The following ASPH variants were observed in gnomAD, a reference collection of about 807,000 sequenced individuals.
The protein encoded by ASPH is aspartate beta-hydroxylase.
ASPH carries 100 observed loss-of-function variants against 118.4 expected under a neutral mutation model. The observed-to-expected ratio is 0.84, with a 90% confidence interval of 0.72 to 1.00. The LOEUF (loss-of-function observed/expected upper bound fraction) is 1.00, where lower values mean the gene tolerates loss of function less well. Among genes scored for constraint, ASPH ranks in the 50% least tolerant of loss-of-function variants. The pLI, the probability that ASPH is intolerant of heterozygous loss-of-function variation, is 0.00. For missense variants in ASPH, 920 were observed against 919.5 expected (o/e 1.00, Z -0.01); for synonymous variants, 315 against 325.6 (o/e 0.97, Z 0.35).
chr8:61,555,051 C>G (rs1437677467), intron 19 of ASPH, among the ~76,000 whole-genome samples: 1 of 152,064 alleles, frequency 6.6e-6, no homozygotes, highest in Non-Finnish European at 1.5e-5. Flanking sequence ...CTGGTCTACA[C>G]CACCTGTGAT....
At chr8:61,657,472 C>T (rs1004395083) in intron 3 of ASPH, 2 of 152,044 alleles carry the variant, frequency 1.3e-5, no homozygotes, top group African/African-American at 4.8e-5. Context: ...CGTACTGTAC[C>T]GAATACTGTA....
chr8:61,649,470 T>C (rs1018011164), intron 5 of ASPH, among the ~76,000 whole-genome samples: 3 of 152,246 alleles, frequency 2.0e-5, no homozygotes, highest in Admixed American at 1.3e-4. Flanking sequence ...ACCTGGAGTT[T>C]AGATGAGCAA....
chr8:61,595,827 TG>T (rs572749840), intron 14 of ASPH, among the ~76,000 whole-genome samples: 42 of 152,188 alleles, frequency 2.8e-4, no homozygotes, highest in African/African-American at 8.7e-4. Context: ...CAGGGCCACC[TG>T]GTTTACTGCC....
rs574300784 is a variant in ASPH, at chr8:61,679,792, T to C, written c.322+1176A>G. 7.2e-5 allele frequency among the ~76,000 whole-genome samples: 11 copies of C among 151,934 alleles called. No homozygotes were observed. In the East Asian group the frequency reaches 1.9e-3, roughly 27 times the overall value. ...TGTTTCTTTTACATGCCTAAGATTA[T>C]AGTCATCTGAGGATTTAATATATTT... is the stretch of plus-strand genomic sequence containing the variant. On this transcript the variant is annotated intron_variant, in intron 3 of 24. Coordinates refer to ENST00000379454, the MANE Select transcript of ASPH (RefSeq NM_004318.4).
Position 61,714,573 on chromosome 8 carries a change from G to T in ASPH, c.-202C>A. ...CTGCCGGCTGCGCGCGCCCGGCCTC[G>T]CGTGTACGAACCTGTGACTCCCTCC... On this transcript the variant is annotated 5_prime_UTR_variant, in exon 1 of 25. Coordinates refer to ENST00000379454, the MANE Select transcript of ASPH (RefSeq NM_004318.4). 1 of 756,006 alleles carries T rather than the reference G, an allele frequency of 1.3e-6. No individual in the cohort carries two copies. The highest frequency in any genetic ancestry group is 1.8e-6 in the Non-Finnish European group (1 of 543,916). 46.8% of individuals were successfully genotyped at this position (756,006 alleles called of 1,614,324 possible).
chr8:61,617,870 T>C (rs1166560621), intron 14 of ASPH, among the ~76,000 whole-genome samples: 2 of 145,360 alleles, frequency 1.4e-5, no homozygotes, highest in Non-Finnish European at 3.0e-5. Context: ...GAGGAGGAGG[T>C]TGCAGTGAGC....
chr8:61,675,785 G>C (rs947850422), intron 3 of ASPH: 23 of 1,191,008 alleles, frequency 1.9e-5, no homozygotes, highest in Non-Finnish European at 2.0e-5. Context: ...TACATGAGTT[G>C]AAACAAAACG....
intron 1 of ASPH, among the ~76,000 whole-genome samples, chr8:61,709,978 A>AAAAT (rs770302697): frequency 1.8e-4 from 27 of 152,218 alleles, no homozygotes; most frequent in Non-Finnish European, 3.7e-4. Context: ...ATGGAACATG[A>AAAAT]AAATAAATAA....
chr8:61,555,096 G>GA (rs917276224), intron 19 of ASPH, among the ~76,000 whole-genome samples: 50 of 151,908 alleles, frequency 3.3e-4, no homozygotes, highest in African/African-American at 1.1e-3. Context: ...TTAGATATGA[G>GA]AAAAAAGGCA....
At chr8:61,576,712 C>A in intron 16 of ASPH, 60 bp downstream of exon 16, 1 of 1,455,148 alleles carries the variant, frequency 6.9e-7, no homozygotes, top group Non-Finnish European at 9.4e-7. Context: ...GTAAAAAATT[C>A]AATCACACAA....
At chr8:61,506,734 A>G (rs535152871) in intron 24 of ASPH, among the ~76,000 whole-genome samples, 15 of 152,334 alleles carry the variant, frequency 9.8e-5, no homozygotes, top group African/African-American at 3.6e-4. Context: ...AATTAATGAC[A>G]GAAAAATGAA....
intron 17 of ASPH, among the ~76,000 whole-genome samples, chr8:61,564,113 A>T (rs898241597): frequency 2.0e-5 from 3 of 152,192 alleles, no homozygotes; most frequent in Middle Eastern, 3.2e-3. Context: ...ATTTCAGAGG[A>T]TGCCAAAAAA....
At chr8:61,684,273 G>T in intron 1 of ASPH, 85 bp from the exon 2 acceptor site, 2 of 1,407,894 alleles carry the variant, frequency 1.4e-6, no homozygotes, top group Non-Finnish European at 1.9e-6. Flanking sequence ...CAATAATTTG[G>T]GATTATGTAC....
chr8:61,514,560 T>C (rs1206662959), intron 24 of ASPH, among the ~76,000 whole-genome samples: 1 of 151,760 alleles, frequency 6.6e-6, no homozygotes, highest in Non-Finnish European at 1.5e-5. Flanking sequence ...ATACAGAAAA[T>C]TAGCCAGGTG....
chr8:61,684,939 A>T (rs1240146577), intron 1 of ASPH, among the ~76,000 whole-genome samples: 3 of 152,184 alleles, frequency 2.0e-5, no homozygotes, highest in Non-Finnish European at 4.4e-5. Context: ...AATTTCCCAT[A>T]AAAAGGAATA....
intron 12 of ASPH, among the ~76,000 whole-genome samples, chr8:61,636,698 ATTGCATAGTTCT>A (rs1857932010): frequency 6.6e-6 from 1 of 152,218 alleles, no homozygotes; most frequent in Non-Finnish European, 1.5e-5. Flanking sequence ...GTAGGGTCAA[ATTGCATAGTTCT>A]TTTCTATAAA....
chr8:61,578,546 A>T lies in ASPH; in HGVS notation c.1063-1688T>A. 8 of 1,538,776 alleles carry T rather than the reference A, an allele frequency of 5.2e-6. No homozygotes were observed. The South Asian group carries it at 8.9e-5, about 17-fold the overall frequency. On this transcript the variant is annotated intron_variant, in intron 15 of 24. Coordinates refer to ENST00000379454, the MANE Select transcript of ASPH (RefSeq NM_004318.4). ...AGTTTGCCTCCTTCACAGACAAGGT[A>T]CGGTTCCTGGAGCAGCAGAACAAGA...
chr8:61,612,878 T>G (rs1237734301), intron 14 of ASPH, among the ~76,000 whole-genome samples: 1 of 152,252 alleles, frequency 6.6e-6, no homozygotes, highest in Non-Finnish European at 1.5e-5. Context: ...CAAGTATATT[T>G]GTAGACACTT....
chr8:61,514,889 T>C (rs907693367), intron 24 of ASPH, among the ~76,000 whole-genome samples: 2 of 151,648 alleles, frequency 1.3e-5, no homozygotes, highest in African/African-American at 2.4e-5. Context: ...TCTCTAGTGA[T>C]TTTGTTCCAA....
Sources: allele counts gnomAD v4.1 joint callset (sites outside exome capture counted in the v4.1 genomes callset), GRCh38; gene constraint gnomAD v4.1.1; transcripts MANE v1.5; gene names NCBI Gene and HGNC (gene_info 2026-07-23, HGNC 2026-07-21).